The following RAB27A variants were observed in gnomAD, a reference collection of about 807,000 sequenced individuals.
RAB27A encodes the protein ras-related protein Rab-27A.
RAB27A carries 17 observed loss-of-function variants against 20.8 expected under a neutral mutation model. That is an observed-to-expected ratio of 0.82 (90% CI 0.56 to 1.23). The LOEUF (loss-of-function observed/expected upper bound fraction) is 1.23, where lower values mean the gene tolerates loss of function less well. Ranked by LOEUF, RAB27A falls within the 50% of genes most tolerant of loss-of-function variation. RAB27A has a pLI of 0.00. For synonymous variants in RAB27A, 85 were observed against 92.8 expected (o/e 0.92, Z 0.48); for missense variants, 277 against 266.7 (o/e 1.04, Z -0.27).
chr15:55,249,625 T>C (rs2141031820), intron 2 of RAB27A, among the ~76,000 whole-genome samples: 1 of 152,324 alleles, frequency 6.6e-6, no homozygotes, highest in East Asian at 1.9e-4. Flanking sequence ...GAAAACAATC[T>C]GTACACCCTG....
chr15:55,275,292 A>G (rs1897833078), intron 1 of RAB27A, among the ~76,000 whole-genome samples: 1 of 151,982 alleles, frequency 6.6e-6, no homozygotes, highest in African/African-American at 2.4e-5. Context: ...GTGGGATTAC[A>G]TCAAACTAAA....
chr15:55,248,045 T>C (rs1303312340), intron 2 of RAB27A, among the ~76,000 whole-genome samples: 1 of 151,668 alleles, frequency 6.6e-6, no homozygotes, highest in African/African-American at 2.4e-5. Flanking sequence ...GCCATTCTCC[T>C]GCCTCAGCCT....
intron 2 of RAB27A, among the ~76,000 whole-genome samples, chr15:55,260,332 T>C (rs1300585653): frequency 6.6e-6 from 1 of 152,224 alleles, no homozygotes; most frequent in African/African-American, 2.4e-5. Flanking sequence ...CCTTCATTGC[T>C]GGTAGGAATG....
intron 2 of RAB27A, 70 bp downstream of exon 2, chr15:55,270,095 C>T (rs113319306): frequency 3.3e-5 from 5 of 151,178 alleles, no homozygotes; most frequent in Admixed American, 6.6e-5. Context: ...ATAATTTAAG[C>T]GCATGAAAAT....
chr15:55,311,693 G>A (rs887350141), intron 2 of RAB27A, among the ~76,000 whole-genome samples: 1 of 152,180 alleles, frequency 6.6e-6, no homozygotes, highest in South Asian at 2.1e-4. Flanking sequence ...CCCTCAGGAG[G>A]CCAGGTTTCT....
chr15:55,241,600 T>TTCTATTTC (rs1388634936), intron 2 of RAB27A, among the ~76,000 whole-genome samples: 1 of 123,898 alleles, frequency 8.1e-6, no homozygotes, highest in African/African-American at 4.3e-5. Flanking sequence ...CAAGACCTAT[T>TTCTATTTC]TATATATATA....
chr15:55,312,382 C>T (rs566652649), intron 2 of RAB27A, among the ~76,000 whole-genome samples: 3 of 152,270 alleles, frequency 2.0e-5, no homozygotes, highest in Non-Finnish European at 4.4e-5. Flanking sequence ...TAGCCCTGAA[C>T]ATATATTTTC....
intron 5 of RAB27A, among the ~76,000 whole-genome samples, chr15:55,225,539 G>A (rs1895762664): frequency 6.6e-6 from 1 of 152,188 alleles, no homozygotes; most frequent in Non-Finnish European, 1.5e-5. Flanking sequence ...AATGGGGCTA[G>A]AAATCTGTGT....
At chr15:55,244,935 A>C (rs546232185) in intron 2 of RAB27A, among the ~76,000 whole-genome samples, 1 of 151,878 alleles carries the variant, frequency 6.6e-6, no homozygotes, top group African/African-American at 2.4e-5. Flanking sequence ...TTTTTGTTTT[A>C]TTTTGTTTTT....
At chr15:55,235,600 C>A (rs1033300004) in intron 2 of RAB27A, among the ~76,000 whole-genome samples, 1 of 151,912 alleles carries the variant, frequency 6.6e-6, no homozygotes, top group Non-Finnish European at 1.5e-5. Flanking sequence ...AAAACTAATA[C>A]AAGAAAAACA....
intron 6 of RAB27A, among the ~76,000 whole-genome samples, chr15:55,218,696 C>A (rs1895425178): frequency 6.6e-6 from 1 of 151,818 alleles, no homozygotes; most frequent in Admixed American, 6.6e-5. Context: ...TTTCTTTGCA[C>A]AGTACACAAA....
At chr15:55,247,260 T>A (rs1226013579) in intron 2 of RAB27A, among the ~76,000 whole-genome samples, 2 of 152,016 alleles carry the variant, frequency 1.3e-5, no homozygotes, top group Non-Finnish European at 2.9e-5. Context: ...TGAAAAGCTT[T>A]GGTTATCTCA....
At chr15:55,297,123 AAC>A (rs1365138447) in intron 2 of RAB27A, among the ~76,000 whole-genome samples, 2 of 152,188 alleles carry the variant, frequency 1.3e-5, no homozygotes, top group Non-Finnish European at 2.9e-5. Flanking sequence ...GCTACTTAGA[AAC>A]AGTTTATTGG....
intron 2 of RAB27A, among the ~76,000 whole-genome samples, chr15:55,261,909 C>T (rs577616230): frequency 1.3e-5 from 2 of 150,806 alleles, no homozygotes; most frequent in Non-Finnish European, 3.0e-5. Flanking sequence ...TGGTGGCATG[C>T]ACCTGTAATC....
At chr15:55,277,921 C>A (rs1897917327) in intron 1 of RAB27A, among the ~76,000 whole-genome samples, 2 of 152,218 alleles carry the variant, frequency 1.3e-5, no homozygotes, top group Admixed American at 1.3e-4. Flanking sequence ...ACTTCATCTT[C>A]TTCAACCTGT....
chr15:55,308,573 C>T (rs1002116915), intron 2 of RAB27A, among the ~76,000 whole-genome samples: 3 of 152,214 alleles, frequency 2.0e-5, no homozygotes, highest in African/African-American at 7.2e-5. Flanking sequence ...AGGTCAGGAT[C>T]AGTCAAGGGA....
intron 2 of RAB27A, among the ~76,000 whole-genome samples, chr15:55,242,291 A>G (rs1474440186): frequency 2.6e-5 from 4 of 152,198 alleles, no homozygotes; most frequent in African/African-American, 9.7e-5. Flanking sequence ...TCATGTCTGG[A>G]CAAGACTCAT....
intron 6 of RAB27A, among the ~76,000 whole-genome samples, chr15:55,208,953 G>A (rs1462539545): frequency 6.6e-6 from 1 of 152,162 alleles, no homozygotes; most frequent in East Asian, 1.9e-4. Flanking sequence ...GAGGTAGGAA[G>A]GAGAATGGAA....
At chr15:55,230,524 T>G (rs368752266) in intron 3 of RAB27A, 38 bp from the exon 4 acceptor site, 1 of 1,535,190 alleles carries the variant, frequency 6.5e-7, no homozygotes, top group Non-Finnish European at 9.0e-7. Context: ...AAAAGAGAAC[T>G]TCTAACACCA....
Sources: allele counts gnomAD v4.1 joint callset (sites outside exome capture counted in the v4.1 genomes callset), GRCh38; gene constraint gnomAD v4.1.1; transcripts MANE v1.5; gene names NCBI Gene and HGNC (gene_info 2026-07-23, HGNC 2026-07-21).